PPP1R9A: variants seen among roughly 807,000 people sequenced by gnomAD.
PPP1R9A encodes protein phosphatase 1 regulatory subunit 9A.
Under a neutral mutation model 141.9 loss-of-function variants are expected in PPP1R9A, and 59 were observed. The ratio of observed to expected loss-of-function variants is 0.42; its 90% CI spans 0.34 to 0.52. PPP1R9A has a LOEUF of 0.52. Among genes scored for constraint, PPP1R9A ranks in the 20% least tolerant of loss-of-function variants. The pLI is 0.10. For synonymous variants in PPP1R9A, 500 were observed against 569.7 expected, an observed-to-expected ratio of 0.88 and a Z score of 1.74; for missense variants, 1,444 against 1,611.9, an observed-to-expected ratio of 0.90 and a Z score of 1.78.
intron 4 of PPP1R9A, among the ~76,000 whole-genome samples, chr7:95,151,811 A>G (rs1328924491): frequency 6.6e-6 from 1 of 152,090 alleles, no homozygotes; most frequent in Non-Finnish European, 1.5e-5. Flanking sequence ...ACAAAAGGAA[A>G]GTTTATTAAT....
At chr7:95,003,015 A>G (rs544657167) in intron 2 of PPP1R9A, among the ~76,000 whole-genome samples, 1 of 152,234 alleles carries the variant, frequency 6.6e-6, no homozygotes, top group African/African-American at 2.4e-5. Context: ...CATAACTTGT[A>G]AAAAAAGTCC....
At chr7:94,936,800 T>C (rs1398092809) in intron 2 of PPP1R9A, among the ~76,000 whole-genome samples, 3 of 152,076 alleles carry the variant, frequency 2.0e-5, no homozygotes, top group Admixed American at 2.0e-4. Flanking sequence ...TAATATGTTT[T>C]GTTTAGTAAA....
intron 18 of PPP1R9A, among the ~76,000 whole-genome samples, chr7:95,288,107 A>G (rs1805685990): frequency 1.3e-5 from 2 of 152,196 alleles, no homozygotes; most frequent in Admixed American, 6.5e-5. Flanking sequence ...TGAGAGCTTA[A>G]TGCTCTCCTC....
chr7:95,258,437 A>C (rs910420383), intron 12 of PPP1R9A, among the ~76,000 whole-genome samples: 7 of 152,100 alleles, frequency 4.6e-5, no homozygotes, highest in South Asian at 2.1e-4. Context: ...AGATGAGTAG[A>C]TTGCAAAAAT....
At chr7:94,943,523 T>C (rs1795562988) in intron 2 of PPP1R9A, among the ~76,000 whole-genome samples, 1 of 152,162 alleles carries the variant, frequency 6.6e-6, no homozygotes, top group Non-Finnish European at 1.5e-5. Flanking sequence ...AAGTCAACTT[T>C]GATTAGGTCT....
intron 2 of PPP1R9A, among the ~76,000 whole-genome samples, chr7:94,915,734 A>T (rs1268017050): frequency 6.6e-6 from 1 of 152,180 alleles, no homozygotes; most frequent in Non-Finnish European, 1.5e-5. Flanking sequence ...TCTTTCACAT[A>T]ACCCTTCCCC....
At chr7:95,123,851 A>C (rs1823072820) in intron 4 of PPP1R9A, among the ~76,000 whole-genome samples, 1 of 152,180 alleles carries the variant, frequency 6.6e-6, no homozygotes, top group South Asian at 2.1e-4. Context: ...TGCTATTCAT[A>C]TATATGAAAC....
chr7:95,075,379 T>G (rs1196920385), intron 2 of PPP1R9A, among the ~76,000 whole-genome samples: 1 of 152,202 alleles, frequency 6.6e-6, no homozygotes, highest in Non-Finnish European at 1.5e-5. Context: ...TCTGCCCTCT[T>G]AAGTTCAGAG....
intron 14 of PPP1R9A, among the ~76,000 whole-genome samples, chr7:95,273,158 T>C (rs1802486154): frequency 6.6e-6 from 1 of 152,072 alleles, no homozygotes; most frequent in African/African-American, 2.4e-5. Flanking sequence ...CAGCAGCTGC[T>C]ACCTTTGAGA....
At position 95,122,186 on chromosome 7, in the gene PPP1R9A, G is replaced by A. The variant is rs1037054003; in HGVS notation, c.1649+1354G>A. On this transcript the variant is annotated intron_variant, in intron 4 of 19. Transcript: ENST00000433360. ...TTTTGAGATGGCATCTCATTGTGTT[G>A]CCTAAGCTGGAGTACAGTGGCATGA... 3.1e-4 allele frequency among the ~76,000 whole-genome samples: 41 copies of A among 132,230 alleles called. 1 individual carries two copies. The highest frequency in any genetic ancestry group is 4.4e-3 in the Middle Eastern group (1 of 228). 86.7% of individuals were successfully genotyped at this position (132,230 alleles called of 152,430 possible).
At chr7:95,097,505 T>G (rs1239177522) in intron 2 of PPP1R9A, among the ~76,000 whole-genome samples, 1 of 152,214 alleles carries the variant, frequency 6.6e-6, no homozygotes, top group African/African-American at 2.4e-5. Flanking sequence ...CTTTGACTTT[T>G]TCACTATTTC....
intron 12 of PPP1R9A, among the ~76,000 whole-genome samples, chr7:95,252,556 C>T (rs1799036561): frequency 1.3e-5 from 2 of 150,220 alleles, no homozygotes; most frequent in African/African-American, 4.9e-5. Flanking sequence ...CAACCTTCGC[C>T]TCCCAGGTTC....
Position 95,251,816 on chromosome 7 carries a change from G to A in PPP1R9A, c.2451G>A (p.Leu817=). 1 of 1,613,826 alleles carries A rather than the reference G, an allele frequency of 6.2e-7. No homozygotes were observed. Among genetic ancestry groups the A allele is most frequent in the South Asian group, 1.1e-5 (1 of 91,074 alleles). Residue 817 remains leucine (L), a synonymous_variant, in exon 11 of 20, where the codon TTG becomes TTA. Coordinates refer to ENST00000433360, the MANE Select transcript of PPP1R9A (RefSeq NM_001166160.2). ...CAGAAAGAAAGAAAATAGAAGATTT[G>A]GAAAAAGCTCATCTTGTGGAAGTGC... ...QEAERKKIED[L]EKAHLVEVQG...
chr7:95,008,644 T>C (rs1803963921), intron 2 of PPP1R9A, among the ~76,000 whole-genome samples: 1 of 151,994 alleles, frequency 6.6e-6, no homozygotes. Flanking sequence ...GTAGAAGAGG[T>C]AAACGTGTAA....
chr7:94,959,971 C>T (rs1464589019), intron 2 of PPP1R9A, among the ~76,000 whole-genome samples: 2 of 151,612 alleles, frequency 1.3e-5, no homozygotes, highest in East Asian at 3.9e-4. Flanking sequence ...ATATATCAAA[C>T]TTTATTTATT....
rs574019655 is a variant in PPP1R9A, at chr7:95,074,369, G to A, written c.1396-36890G>A. ...TTATTGAAACAATGCTGCAAAGACCGTCTTTATTATTAGGATTTTGTACTT... is the reference window on the plus strand; with the variant it reads ...TTATTGAAACAATGCTGCAAAGACCATCTTTATTATTAGGATTTTGTACTT... On this transcript the variant is annotated intron_variant, in intron 2 of 19. Coordinates refer to ENST00000433360, the MANE Select transcript of PPP1R9A (RefSeq NM_001166160.2). Among the ~76,000 whole-genome samples, 153 of 151,504 alleles carry A rather than the reference G, an allele frequency of 1.0e-3. 1 individual carries two copies. Among genetic ancestry groups the A allele is most frequent in the Non-Finnish European group, 1.8e-3 (121 of 67,962 alleles).
chr7:95,271,419 A>G (rs547900838), intron 14 of PPP1R9A, among the ~76,000 whole-genome samples: 2 of 152,300 alleles, frequency 1.3e-5, no homozygotes, highest in South Asian at 2.1e-4. Flanking sequence ...ACTAGGTAAC[A>G]GGTAAGAAAG....
intron 7 of PPP1R9A, among the ~76,000 whole-genome samples, chr7:95,222,150 G>A (rs189047920): frequency 1.2e-4 from 18 of 151,998 alleles, no homozygotes; most frequent in Non-Finnish European, 1.9e-4. Context: ...AGTCTTCAAA[G>A]TGAATTCAGT....
intron 3 of PPP1R9A, 96 bp downstream of exon 3, chr7:95,111,487 A>G: frequency 8.3e-7 from 1 of 1,210,810 alleles, no homozygotes; most frequent in South Asian, 1.7e-5. Flanking sequence ...AGGATTGGAT[A>G]AAATTTTAAT....
Sources: allele counts gnomAD v4.1 joint callset (sites outside exome capture counted in the v4.1 genomes callset), GRCh38; gene constraint gnomAD v4.1.1; transcripts MANE v1.5; gene names NCBI Gene and HGNC (gene_info 2026-07-23, HGNC 2026-07-21).